The following SORBS2 variants were observed in gnomAD, a reference collection of about 807,000 sequenced individuals.
SORBS2 encodes the protein sorbin and SH3 domain-containing protein 2.
A neutral mutation model predicts 97.7 loss-of-function variants in SORBS2; 46 were observed. The observed-to-expected ratio is 0.47, with a 90% CI of 0.37 to 0.60. SORBS2 has a LOEUF of 0.60. SORBS2 is among the 20% of genes least tolerant of loss of function. SORBS2 has a pLI of 0.00. For synonymous variants in SORBS2, 476 were observed against 473.4 expected (o/e 1.01, Z -0.07); for missense variants, 1,316 against 1,282.3 (o/e 1.03, Z -0.40).
intron 1 of SORBS2, among the ~76,000 whole-genome samples, chr4:185,800,976 C>T (rs35288266): frequency 0.25 from 37,642 of 152,068 alleles, 5,752 homozygotes; most frequent in East Asian, 0.64. Flanking sequence ...ACAGTCACCA[C>T]GCTGCATGAG....
At chr4:185,740,708 G>A (rs1157481316) in intron 2 of SORBS2, among the ~76,000 whole-genome samples, 1 of 151,932 alleles carries the variant, frequency 6.6e-6, no homozygotes, top group Non-Finnish European at 1.5e-5. Context: ...CATTAACTCA[G>A]CCCAACATTA....
chr4:185,653,069 TA>T (rs1221610625), intron 1 of SORBS2, among the ~76,000 whole-genome samples: 1 of 152,246 alleles, frequency 6.6e-6, no homozygotes, highest in African/African-American at 2.4e-5. Flanking sequence ...CTAATTTGTT[TA>T]ACTCCTTTTG....
chr4:185,923,774 A>G (rs981852851), intron 1 of SORBS2, among the ~76,000 whole-genome samples: 4 of 152,130 alleles, frequency 2.6e-5, no homozygotes, highest in African/African-American at 7.2e-5. Flanking sequence ...CTCCTTCCTT[A>G]GATACAGTAT....
intron 2 of SORBS2, among the ~76,000 whole-genome samples, chr4:185,708,343 A>G (rs1161723188): frequency 2.0e-5 from 3 of 152,242 alleles, no homozygotes; most frequent in African/African-American, 7.2e-5. Flanking sequence ...AGGTACATGT[A>G]ATAGATAAAG....
chr4:185,871,033 G>A (rs2099230140), intron 1 of SORBS2, among the ~76,000 whole-genome samples: 1 of 152,108 alleles, frequency 6.6e-6, no homozygotes, highest in African/African-American at 2.4e-5. Flanking sequence ...CAAATACAAA[G>A]TTAATGCAAC....
intron 2 of SORBS2, among the ~76,000 whole-genome samples, chr4:185,759,881 A>G (rs1269101597): frequency 6.6e-6 from 1 of 152,196 alleles, no homozygotes; most frequent in Non-Finnish European, 1.5e-5. Context: ...AAAATCCTGT[A>G]GTCATTAGCA....
upstream of SORBS2, chr4:185,657,114 G>A (rs2097419710): frequency 3.2e-6 from 1 of 308,206 alleles, no homozygotes; most frequent in Non-Finnish European, 5.4e-6. Flanking sequence ...ATTGCCCTAA[G>A]CCTCCTTGGT....
intron 1 of SORBS2, among the ~76,000 whole-genome samples, chr4:185,848,618 CTTTTTTTTTTTTTTTT>C (rs537195530): frequency 0.031 from 2,353 of 75,532 alleles, 67 homozygotes; most frequent in South Asian, 0.05. Context: ...AAGGATATCT[CTTTTTTTTTTTTTTTT>C]TTTTTTTTTT....
At chr4:185,894,540 A>AT (rs2099244064) in intron 1 of SORBS2, among the ~76,000 whole-genome samples, 1 of 152,200 alleles carries the variant, frequency 6.6e-6, no homozygotes, top group South Asian at 2.1e-4. Flanking sequence ...TGTCCATACC[A>AT]ATTACATCAC....
chr4:185,707,963 T>A (rs546958212), intron 2 of SORBS2, among the ~76,000 whole-genome samples: 1 of 152,308 alleles, frequency 6.6e-6, no homozygotes, highest in East Asian at 1.9e-4. Context: ...CTTATCAGTA[T>A]TTCTCTGTGT....
At chr4:185,773,438 A>C (rs2098983201) in intron 2 of SORBS2, 1 of 152,232 alleles carries the variant, frequency 6.6e-6, no homozygotes, top group East Asian at 1.9e-4. Flanking sequence ...TTTCTACTAT[A>C]AATCCAAGTT....
intron 1 of SORBS2, among the ~76,000 whole-genome samples, chr4:185,777,618 A>T (rs2099006273): frequency 6.6e-6 from 1 of 152,166 alleles, no homozygotes; most frequent in Non-Finnish European, 1.5e-5. Flanking sequence ...GTAATGTCTG[A>T]CACACAGCAA....
upstream of SORBS2, among the ~76,000 whole-genome samples, chr4:185,658,596 T>C (rs2097449301): frequency 6.6e-6 from 1 of 152,060 alleles, no homozygotes; most frequent in Admixed American, 6.5e-5. Context: ...AAAATTCTCA[T>C]GTTTCAGGGT....
chr4:185,873,935 T>C (rs1024933801), intron 1 of SORBS2, among the ~76,000 whole-genome samples: 6 of 152,158 alleles, frequency 3.9e-5, no homozygotes, highest in Non-Finnish European at 8.8e-5. Flanking sequence ...AACGTCTAAC[T>C]TTTTGCTTTG....
At chr4:185,954,624 A>T (rs2099278749) in intron 1 of SORBS2, among the ~76,000 whole-genome samples, 1 of 152,198 alleles carries the variant, frequency 6.6e-6, no homozygotes, top group East Asian at 1.9e-4. Flanking sequence ...AGCGTCTCTT[A>T]TTGTTTGGCA....
chr4:185,816,326 C>T (rs886863881), intron 1 of SORBS2, among the ~76,000 whole-genome samples: 1 of 152,228 alleles, frequency 6.6e-6, no homozygotes, highest in East Asian at 1.9e-4. Context: ...AACAAAGAAA[C>T]ACGTCATATG....
At chr4:185,892,082 C>T (rs909804885) in intron 1 of SORBS2, among the ~76,000 whole-genome samples, 1 of 152,140 alleles carries the variant, frequency 6.6e-6, no homozygotes, top group African/African-American at 2.4e-5. Context: ...ATCCGCCTGC[C>T]TCGGTCTCCC....
chr4:185,775,870 A>C (rs1209444886), intron 1 of SORBS2: 3 of 152,184 alleles, frequency 2.0e-5, no homozygotes, highest in Non-Finnish European at 4.4e-5. Flanking sequence ...AAGAGCCCGC[A>C]CCTAAATTTC....
chr4:185,769,486 G>A (rs1584497972), intron 2 of SORBS2, among the ~76,000 whole-genome samples: 6 of 152,094 alleles, frequency 3.9e-5, no homozygotes, highest in Admixed American at 3.9e-4. Flanking sequence ...CTTAACAGTA[G>A]AAAATACTAC....
Sources: gnomAD v4.1 joint callset for allele counts (sites outside exome capture counted in the v4.1 genomes callset) on GRCh38, gnomAD v4.1.1 for gene constraint, MANE v1.5 for transcripts, NCBI Gene and HGNC (gene_info 2026-07-23, HGNC 2026-07-21) for gene names.